Variants in CFAP61 observed in about 807,000 individuals in gnomAD.
The protein encoded by CFAP61 is cilia and flagella associated protein 61.
Under a neutral mutation model 135.6 loss-of-function variants are expected in CFAP61, and 107 were observed. The observed-to-expected ratio is 0.79, with a 90% CI of 0.67 to 0.93. CFAP61 has a LOEUF of 0.93. CFAP61 is among the 40% of genes least tolerant of loss of function. The pLI is 0.00. For synonymous variants in CFAP61, 575 were observed against 578.5 expected (o/e 0.99, Z 0.09); for missense variants, 1,507 against 1,556.2 (o/e 0.97, Z 0.53).
chr20:20,313,756 G>A (rs1032377977), intron 25 of CFAP61, among the ~76,000 whole-genome samples: 2 of 152,192 alleles, frequency 1.3e-5, no homozygotes, highest in Admixed American at 6.5e-5. Context: ...TAAAGACGAG[G>A]TTTATTGAGC....
At chr20:20,071,924 G>A (rs912990827) in intron 3 of CFAP61, among the ~76,000 whole-genome samples, 1 of 151,990 alleles carries the variant, frequency 6.6e-6, no homozygotes, top group African/African-American at 2.4e-5. Context: ...TCCAATGCTT[G>A]CACCTTTGGT....
At chr20:20,183,563 T>G (rs2055276393) in intron 13 of CFAP61, among the ~76,000 whole-genome samples, 1 of 152,362 alleles carries the variant, frequency 6.6e-6, no homozygotes, top group African/African-American at 2.4e-5. Context: ...AGGAATACGC[T>G]GTGAGCCACA....
At chr20:20,187,553 G>A (rs1414640594) in intron 13 of CFAP61, among the ~76,000 whole-genome samples, 2 of 152,090 alleles carry the variant, frequency 1.3e-5, no homozygotes, top group African/African-American at 4.8e-5. Context: ...CTGCTCCCTG[G>A]GTCCCACACT....
chr20:20,327,017 T>C (rs1359616493), intron 25 of CFAP61, among the ~76,000 whole-genome samples: 2 of 152,154 alleles, frequency 1.3e-5, no homozygotes, highest in Non-Finnish European at 2.9e-5. Context: ...TTTATAGTTT[T>C]GTTGCTGCTG....
intron 8 of CFAP61, among the ~76,000 whole-genome samples, chr20:20,105,620 A>C (rs988411825): frequency 3.3e-5 from 5 of 151,374 alleles, no homozygotes; most frequent in African/African-American, 1.2e-4. Context: ...TTAAAATTTG[A>C]ATTATTTATT....
intron 25 of CFAP61, among the ~76,000 whole-genome samples, chr20:20,324,848 C>A (rs1602023781): frequency 6.6e-6 from 1 of 152,116 alleles, no homozygotes; most frequent in Admixed American, 6.5e-5. Context: ...TGTATTTATT[C>A]TTCTGTGAAT....
At chr20:20,054,405 A>G (rs1299587380) in intron 1 of CFAP61, among the ~76,000 whole-genome samples, 3 of 148,544 alleles carry the variant, frequency 2.0e-5, no homozygotes, top group Non-Finnish European at 3.0e-5. Flanking sequence ...GGATATATAT[A>G]TATATATATA....
At chr20:20,309,127 G>A (rs1465477451) in intron 25 of CFAP61, among the ~76,000 whole-genome samples, 1 of 152,204 alleles carries the variant, frequency 6.6e-6, no homozygotes, top group African/African-American at 2.4e-5. Flanking sequence ...CACCTGGGCA[G>A]TAGGGATTCA....
chr20:20,130,842 A>C (rs2050464909), intron 8 of CFAP61, among the ~76,000 whole-genome samples: 1 of 151,770 alleles, frequency 6.6e-6, no homozygotes, highest in Non-Finnish European at 1.5e-5. Context: ...ACAGAGCAGA[A>C]TTTCCATGGC....
intron 17 of CFAP61, among the ~76,000 whole-genome samples, chr20:20,208,942 G>A (rs1450131349): frequency 1.3e-5 from 2 of 152,098 alleles, no homozygotes; most frequent in African/African-American, 4.8e-5. Flanking sequence ...CTTTGGGGTG[G>A]GGGGGCATGG....
intron 18 of CFAP61, among the ~76,000 whole-genome samples, chr20:20,235,476 C>T (rs1181639665): frequency 2.6e-5 from 4 of 152,222 alleles, no homozygotes; most frequent in South Asian, 2.1e-4. Context: ...GGGACACACT[C>T]GGCCAATGCC....
chr20:20,203,463 A>T (rs1444646899), intron 17 of CFAP61, among the ~76,000 whole-genome samples: 1 of 152,170 alleles, frequency 6.6e-6, no homozygotes, highest in Non-Finnish European at 1.5e-5. Context: ...TTTTTACAAA[A>T]TTATTTTATT....
chr20:20,068,336 GAGGAGCCC>G (rs1436459671), intron 2 of CFAP61, among the ~76,000 whole-genome samples: 1 of 152,222 alleles, frequency 6.6e-6, no homozygotes, highest in Non-Finnish European at 1.5e-5. Flanking sequence ...GTCTGGGGCA[GAGGAGCCC>G]AGAAGACCAA....
At chr20:20,112,190 A>G (rs73605580) in intron 8 of CFAP61, among the ~76,000 whole-genome samples, 14,911 of 152,100 alleles carry the variant, frequency 0.098, 1,517 homozygotes, top group East Asian at 0.59. Flanking sequence ...TTTCTGTGGC[A>G]TAGAACTTCT....
In CFAP61 at chr20:20,166,310, G is replaced by A. The variant is rs549652723; in HGVS notation, c.1206-87G>A. The A allele has an allele frequency of 4.4e-4, 480 of 1,099,064 alleles. 3 individuals are homozygous for A. The highest frequency in any genetic ancestry group is 5.7e-4 in the Non-Finnish European group (410 of 720,578). The allele number at this position is 1,099,064 out of a possible 1,614,324, so 68.1% of individuals were successfully genotyped here. A position where few individuals can be genotyped will look rare whatever the true frequency, so the allele number is the denominator to read the frequency against. The stretch of plus-strand genomic sequence containing the variant: ...TAGTGGTTGGCTAATCGCTGCCCGA[G>A]GGGAGGGAGCTGTAAATCTCTGTAA... On this transcript the variant is annotated intron_variant, in intron 11 of 26. Transcript: ENST00000245957.
At chr20:20,135,708 T>C (rs2050874568) in intron 8 of CFAP61, among the ~76,000 whole-genome samples, 1 of 152,246 alleles carries the variant, frequency 6.6e-6, no homozygotes, top group African/African-American at 2.4e-5. Context: ...TACTGTACTA[T>C]GTCTTGAAAC....
At chr20:20,108,839 C>T (rs1197747260) in intron 8 of CFAP61, among the ~76,000 whole-genome samples, 1 of 152,158 alleles carries the variant, frequency 6.6e-6, no homozygotes, top group African/African-American at 2.4e-5. Context: ...CCTTTGCAAC[C>T]TCAAACATCC....
At chr20:20,195,982 G>A (rs1430334640) in intron 15 of CFAP61, among the ~76,000 whole-genome samples, 2 of 152,216 alleles carry the variant, frequency 1.3e-5, no homozygotes, top group Non-Finnish European at 2.9e-5. Flanking sequence ...TTGGGAGGCT[G>A]AGGTGGGAGG....
chr20:20,345,736 C>T (rs1243169943), intron 26 of CFAP61, among the ~76,000 whole-genome samples: 8 of 152,146 alleles, frequency 5.3e-5, no homozygotes, highest in South Asian at 4.2e-4. Flanking sequence ...GCCTGGCCAA[C>T]ATGGTGAAAC....
Sources: gnomAD v4.1 joint callset for allele counts (sites outside exome capture counted in the v4.1 genomes callset) on GRCh38, gnomAD v4.1.1 for gene constraint, MANE v1.5 for transcripts, NCBI Gene and HGNC (gene_info 2026-07-23, HGNC 2026-07-21) for gene names.